KLRD1: variants seen among roughly 807,000 people sequenced by gnomAD.
KLRD1 encodes killer cell lectin like receptor D1.
A neutral mutation model predicts 22.6 loss-of-function variants in KLRD1; 21 were observed. The ratio of observed to expected loss-of-function variants is 0.93; its 90% CI spans 0.66 to 1.34. The LOEUF is 1.34. Among genes scored for constraint, KLRD1 ranks in the 40% most tolerant of loss-of-function variants. KLRD1 has a pLI of 0.00. For missense variants in KLRD1, 183 were observed against 208.6 expected (o/e 0.88, Z 0.76); for synonymous variants, 59 against 71.1 (o/e 0.83, Z 0.85).
intron 1 of KLRD1, among the ~76,000 whole-genome samples, chr12:10,279,141 C>T (rs1949618032): frequency 1.3e-5 from 2 of 152,024 alleles, no homozygotes; most frequent in Non-Finnish European, 2.9e-5. Flanking sequence ...CCTCACCCTC[C>T]TTCTACTCTC....
At chr12:10,275,544 G>A (rs558269157) in intron 1 of KLRD1, among the ~76,000 whole-genome samples, 8 of 152,062 alleles carry the variant, frequency 5.3e-5, no homozygotes, top group African/African-American at 1.7e-4. Flanking sequence ...TTCAACCATC[G>A]GGGGAAGCTG....
chr12:10,266,478 A>C (rs1949500063), intron 1 of KLRD1, among the ~76,000 whole-genome samples: 1 of 152,098 alleles, frequency 6.6e-6, no homozygotes, highest in Admixed American at 6.5e-5. Flanking sequence ...TATTTATTTA[A>C]CTGTTATACT....
rs1005263316 is a variant in KLRD1, at chr12:10,307,954, A to G, written c.-124A>G. ...AATTTTTCATTCTCTATTTTTGCTA[A>G]ATTTCTTCATACTCAACTTTCAGAT... is the stretch of plus-strand genomic sequence containing the variant. On this transcript the variant is annotated 5_prime_UTR_variant, in exon 1 of 6. It removes the in-frame stop codon of an upstream open reading frame in the 5' UTR. Coordinates refer to ENST00000336164, the MANE Select transcript of KLRD1 (RefSeq NM_002262.5). 1.2e-6 allele frequency: 1 copy of G among 864,670 alleles called. No homozygotes were observed. Among genetic ancestry groups the G allele is most frequent in the Non-Finnish European group, 1.9e-6 (1 of 527,048 alleles). The allele number at this position is 864,670 out of a possible 1,614,324, so 53.6% of individuals were successfully genotyped here.
intron 5 of KLRD1, 125 bp from the exon 6 acceptor site, chr12:10,314,548 A>G: frequency 1.3e-6 from 1 of 780,692 alleles, no homozygotes; most frequent in South Asian, 2.6e-5. Flanking sequence ...TTACTGAAAA[A>G]AAAAGGACTC....
chr12:10,284,856 C>G lies in KLRD1; in HGVS notation c.-100-23122C>G, dbSNP rs1437404712. On this transcript the variant is annotated intron_variant, in intron 1 of 5. Transcript: ENST00000544747. The stretch of plus-strand genomic sequence containing the variant: ...ATTAGCCGGGCATGGTGGTGCATGC[C>G]TGTAATCCCAGCTACTCAGGAGGCT... Among the ~76,000 whole-genome samples, 9 of 152,148 alleles carry G rather than the reference C, an allele frequency of 5.9e-5. No homozygotes were observed. The East Asian group carries it at 1.7e-3, about 29-fold the overall frequency.
At chr12:10,256,115 A>T (rs539101461) in intron 1 of KLRD1, among the ~76,000 whole-genome samples, 7 of 152,100 alleles carry the variant, frequency 4.6e-5, no homozygotes, top group Admixed American at 3.9e-4. Flanking sequence ...TTTATCTGAC[A>T]TTAGTATGGC....
At chr12:10,259,849 C>A (rs1390295383) in intron 1 of KLRD1, among the ~76,000 whole-genome samples, 6 of 152,120 alleles carry the variant, frequency 3.9e-5, no homozygotes, top group Admixed American at 2.0e-4. Context: ...GCCTGTAATC[C>A]CAGATACTTG....
chr12:10,297,769 A>AT (rs1949834877), intron 1 of KLRD1, among the ~76,000 whole-genome samples: 1 of 152,150 alleles, frequency 6.6e-6, no homozygotes, highest in Non-Finnish European at 1.5e-5. Flanking sequence ...TCTACTCTTA[A>AT]TGGTTCGGAG....
chr12:10,250,194 C>T (rs1051900535), intron 1 of KLRD1, among the ~76,000 whole-genome samples: 20 of 119,230 alleles, frequency 1.7e-4, no homozygotes, highest in Non-Finnish European at 3.3e-4. Flanking sequence ...GTGGTGATAA[C>T]GTTTTGCTTT....
chr12:10,312,887 G>T (rs778304594), intron 4 of KLRD1, among the ~76,000 whole-genome samples: 8 of 151,394 alleles, frequency 5.3e-5, no homozygotes, highest in Non-Finnish European at 7.4e-5. Flanking sequence ...CTCGGGAGGC[G>T]GAGGCAGGAG....
chr12:10,239,684 C>T (rs1385386220), intron 1 of KLRD1, among the ~76,000 whole-genome samples: 1 of 151,114 alleles, frequency 6.6e-6, no homozygotes, highest in African/African-American at 2.4e-5. Context: ...CTCTGTTGCC[C>T]AGGCTGGAGT....
chr12:10,308,358 G>A, intron 1 of KLRD1: 1 of 436,790 alleles, frequency 2.3e-6, no homozygotes. Context: ...ACTTTAGCCT[G>A]GTTAAATTGT....
At chr12:10,257,895 G>C (rs755653910) in intron 1 of KLRD1, among the ~76,000 whole-genome samples, 5 of 152,042 alleles carry the variant, frequency 3.3e-5, no homozygotes, top group South Asian at 2.1e-4. Flanking sequence ...ACTGTGTACT[G>C]TAGGTCTTGG....
At chr12:10,308,507 A>G (rs1421399634) in intron 1 of KLRD1, 1 of 186,906 alleles carries the variant, frequency 5.4e-6, no homozygotes, top group African/African-American at 2.4e-5. Context: ...ACTGTTGTTA[A>G]TGACATCACT....
At position 10,324,818 on chromosome 12, in the gene KLRD1, GTATATATATATA is replaced by G. The variant is rs1555113906; in HGVS notation, c.*10039_*10050del. On this transcript the variant is annotated 3_prime_UTR_variant, in exon 6 of 6. Transcript: ENST00000336164. ...AGTATATATGTATATGTGTGTGTGT[GTATATATATATA>G]TATATATATATATTCATTTACACAG... 5 of 74,144 alleles carry G rather than the reference GTATATATATATA, an allele frequency of 6.7e-5. No individual in the cohort carries two copies. Among genetic ancestry groups the G allele is most frequent in the Admixed American group, 2.1e-4 (1 of 4,738 alleles). The allele number at this position is 74,144 out of a possible 1,614,324, so 4.6% of individuals were successfully genotyped here. A position where few individuals can be genotyped will look rare whatever the true frequency, so the allele number is the denominator to read the frequency against.
chr12:10,294,038 T>A (rs1007128512), intron 1 of KLRD1, among the ~76,000 whole-genome samples: 2 of 152,222 alleles, frequency 1.3e-5, no homozygotes, highest in African/African-American at 4.8e-5. Context: ...TCCTACTTAA[T>A]AAATGGTCGC....
intron 1 of KLRD1, among the ~76,000 whole-genome samples, chr12:10,279,591 T>G (rs1949622313): frequency 6.6e-6 from 1 of 152,176 alleles, no homozygotes; most frequent in African/African-American, 2.4e-5. Flanking sequence ...TTATTTCTGT[T>G]TACAAATTAC....
At chr12:10,301,588 C>G (rs1295255287), upstream of KLRD1, among the ~76,000 whole-genome samples, 2 of 152,236 alleles carry the variant, frequency 1.3e-5, no homozygotes, top group Non-Finnish European at 2.9e-5. Flanking sequence ...TTCTCTGCTG[C>G]AAACCTGCAG....
At chr12:10,271,235 G>T (rs1355377778) in intron 1 of KLRD1, among the ~76,000 whole-genome samples, 2 of 152,066 alleles carry the variant, frequency 1.3e-5, no homozygotes, top group Admixed American at 6.5e-5. Flanking sequence ...TCATCATGAG[G>T]TATCTCACAT....
Sources: gnomAD v4.1 joint callset for allele counts (sites outside exome capture counted in the v4.1 genomes callset) on GRCh38, gnomAD v4.1.1 for gene constraint, MANE v1.5 for transcripts, NCBI Gene and HGNC (gene_info 2026-07-23, HGNC 2026-07-21) for gene names.